Variants in ZMYM2 observed in about 807,000 individuals in gnomAD.
The protein encoded by ZMYM2 is zinc finger MYM-type containing 2.
In ZMYM2, 56 loss-of-function variants were observed where a neutral mutation model predicts 162.8. The ratio of observed to expected loss-of-function variants is 0.34; its 90% CI spans 0.28 to 0.43. The LOEUF (loss-of-function observed/expected upper bound fraction) is 0.43, where lower values mean the gene tolerates loss of function less well. ZMYM2 is among the 20% of genes least tolerant of loss of function. ZMYM2 has a pLI of 1.00. For missense variants in ZMYM2, 1,275 were observed against 1,621.8 expected (o/e 0.79, Z 3.67); for synonymous variants, 510 against 541.6 (o/e 0.94, Z 0.81).
the ZMYM2 span, among the ~76,000 whole-genome samples, chr13:19,910,039 C>A: frequency 7.6e-6 from 1 of 131,568 alleles, no homozygotes; most frequent in African/African-American, 2.7e-5. Context: ...CATGGTGAAA[C>A]CCCCATCTCT....
At chr13:19,918,242 C>G in the ZMYM2 span, among the ~76,000 whole-genome samples, 1 of 151,604 alleles carries the variant, frequency 6.6e-6, no homozygotes, top group Admixed American at 6.6e-5. Flanking sequence ...GTCAGGAGTT[C>G]GAGACCAGCC....
intron 16 of ZMYM2, among the ~76,000 whole-genome samples, chr13:20,060,614 G>A (rs891834627): frequency 2.6e-5 from 4 of 151,954 alleles, no homozygotes; most frequent in Non-Finnish European, 5.9e-5. Flanking sequence ...GGAGGCGGAG[G>A]TTGCAGTGAA....
In ZMYM2 at chr13:20,086,067, G is replaced by T; in HGVS notation, c.*53G>T. On this transcript the variant is annotated 3_prime_UTR_variant, in exon 25 of 25. Transcript: ENST00000610343. ...TAAAACAGCATTAGATAGTCATGCT[G>T]CTAGATCTTTATTATGGAAAACATT... The T allele has an allele frequency of 1.3e-6, 2 of 1,546,708 alleles. No homozygotes were observed.
At chr13:19,875,521 G>A in the ZMYM2 span, among the ~76,000 whole-genome samples, 7 of 149,822 alleles carry the variant, frequency 4.7e-5, no homozygotes, top group Admixed American at 1.4e-4. Context: ...CCAGCTATTC[G>A]GGAAGCTGAG....
intron 6 of ZMYM2, among the ~76,000 whole-genome samples, chr13:20,011,569 T>TTTAG: frequency 6.7e-6 from 1 of 148,802 alleles, no homozygotes; most frequent in Non-Finnish European, 1.5e-5. Flanking sequence ...GTTTTTATTT[T>TTTAG]TTTGTTTTAT....
intron 2 of ZMYM2, among the ~76,000 whole-genome samples, chr13:19,979,255 A>G (rs562747913): frequency 6.6e-6 from 1 of 151,856 alleles, no homozygotes; most frequent in South Asian, 2.1e-4. Flanking sequence ...CTGCTTTTGG[A>G]GTTTGTTGAG....
chr13:19,990,320 C>G (rs1949504772), intron 2 of ZMYM2, among the ~76,000 whole-genome samples: 1 of 152,162 alleles, frequency 6.6e-6, no homozygotes, highest in Admixed American at 6.5e-5. Context: ...GCCTGTTTAT[C>G]TCATTTTATC....
At chr13:19,901,062 A>T in the ZMYM2 span, among the ~76,000 whole-genome samples, 1 of 152,134 alleles carries the variant, frequency 6.6e-6, no homozygotes, top group South Asian at 2.1e-4. Flanking sequence ...TGGTGCATTC[A>T]TACAGAGAGA....
At chr13:20,049,711 T>A (rs181928379) in intron 12 of ZMYM2, among the ~76,000 whole-genome samples, 1 of 152,160 alleles carries the variant, frequency 6.6e-6, no homozygotes, top group Non-Finnish European at 1.5e-5. Context: ...TCTTTCTAGA[T>A]CTTAGTTTGC....
At position 20,044,982 on chromosome 13, in the gene ZMYM2, G is replaced by A. The variant is rs565563218; in HGVS notation, c.2293-6451G>A. 4.0e-5 allele frequency among the ~76,000 whole-genome samples: 6 copies of A among 148,964 alleles called. No individual in the cohort carries two copies. The South Asian group carries it at 1.1e-3, about 27-fold the overall frequency. ...GGAAAATCACTTGAACCCGGGAGGC[G>A]GAGGTTGCAGTGAGGTAAGATGGCA... On this transcript the variant is annotated intron_variant, in intron 12 of 24. Coordinates refer to ENST00000610343, the MANE Select transcript of ZMYM2 (RefSeq NM_197968.4).
intron 13 of ZMYM2, among the ~76,000 whole-genome samples, 175 bp from the exon 14 acceptor site, chr13:20,052,102 T>G (rs1171524462): frequency 6.6e-6 from 1 of 152,140 alleles, no homozygotes. Context: ...TTAATTTCAT[T>G]TATTTACCTG....
At chr13:19,890,163 T>C in the ZMYM2 span, among the ~76,000 whole-genome samples, 77 of 151,794 alleles carry the variant, frequency 5.1e-4, 1 homozygote, top group Admixed American at 2.2e-3. Context: ...AGTTGTTTCG[T>C]TTTGTTTTGT....
chr13:19,870,321 A>C, the ZMYM2 span, among the ~76,000 whole-genome samples: 4 of 151,874 alleles, frequency 2.6e-5, no homozygotes, highest in Non-Finnish European at 5.9e-5. Flanking sequence ...ATACCCAGCT[A>C]ATTTTTGTAT....
intron 14 of ZMYM2, among the ~76,000 whole-genome samples, chr13:20,057,288 TTTTA>T (rs946985383): frequency 2.0e-5 from 3 of 151,702 alleles, no homozygotes; most frequent in Non-Finnish European, 2.9e-5. Flanking sequence ...TTATTTTTAT[TTTTA>T]TTTATTTATT....
chr13:19,945,161 C>A, the ZMYM2 span, among the ~76,000 whole-genome samples: 43 of 152,086 alleles, frequency 2.8e-4, no homozygotes, highest in Non-Finnish European at 5.4e-4. Context: ...TATTTATATT[C>A]AACTATTTTT....
At chr13:19,994,788 C>T (rs771545528) in intron 3 of ZMYM2, among the ~76,000 whole-genome samples, 13 of 151,936 alleles carry the variant, frequency 8.6e-5, no homozygotes, top group African/African-American at 1.5e-4. Context: ...TGCACCTGGC[C>T]GCATTTAGAT....
At chr13:19,911,639 G>A in the ZMYM2 span, among the ~76,000 whole-genome samples, 1 of 152,128 alleles carries the variant, frequency 6.6e-6, no homozygotes, top group Non-Finnish European at 1.5e-5. Context: ...TGGGCATTTG[G>A]TCAATAGAGT....
intron 19 of ZMYM2, 145 bp downstream of exon 19, chr13:20,064,690 GTAA>G (rs1566436630): frequency 6.3e-6 from 2 of 315,210 alleles, no homozygotes; most frequent in Non-Finnish European, 1.1e-5. Context: ...ATAGAATATA[GTAA>G]TAATATATTA....
chr13:20,037,474 A>G (rs1451952079), intron 12 of ZMYM2, among the ~76,000 whole-genome samples: 1 of 152,104 alleles, frequency 6.6e-6, no homozygotes, highest in Non-Finnish European at 1.5e-5. Context: ...CCTCAGCCCC[A>G]AAGTGCTGAG....
Sources: allele counts gnomAD v4.1 joint callset (sites outside exome capture counted in the v4.1 genomes callset), GRCh38; gene constraint gnomAD v4.1.1; transcripts MANE v1.5; gene names NCBI Gene and HGNC (gene_info 2026-07-23, HGNC 2026-07-21).